ATP13A3: variants seen among roughly 807,000 people sequenced by gnomAD.
The protein encoded by ATP13A3 is ATPase 13A3, also known as polyamine-transporting ATPase 13A3.
ATP13A3 carries 59 observed loss-of-function variants against 158.1 expected under a neutral mutation model. The observed-to-expected ratio is 0.37, with a 90% CI of 0.30 to 0.46. The LOEUF (loss-of-function observed/expected upper bound fraction) is 0.46. Among genes scored for constraint, ATP13A3 ranks in the 20% least tolerant of loss-of-function variants. ATP13A3 has a pLI of 1.00. For missense variants in ATP13A3, 1,166 were observed against 1,525.2 expected (o/e 0.76, Z 3.92); for synonymous variants, 491 against 504.3 (o/e 0.97, Z 0.35).
Position 194,430,924 on chromosome 3 carries a change from A to G in ATP13A3, c.2624+19T>C, listed in dbSNP as rs185822279. The G allele has an allele frequency of 6.6e-5, 103 of 1,566,716 alleles. No homozygotes were observed. The African/African-American group carries it at 1.3e-3, about 19-fold the overall frequency. On this transcript the variant is annotated intron_variant, in intron 24 of 33. Coordinates refer to ENST00000645319, the MANE Select transcript of ATP13A3 (RefSeq NM_001367549.1). ...ATCATTCATCAAAAACCAAAACCAA[A>G]AAAGACACCAATACTTACTCAACAT...
intron 8 of ATP13A3, 137 bp downstream of exon 8, chr3:194,455,756 C>A: frequency 1.6e-6 from 1 of 623,284 alleles, no homozygotes; most frequent in East Asian, 3.3e-5. Context: ...TAAATGTCTT[C>A]CGTCTTTACC....
rs1160114657 is a variant in ATP13A3, at chr3:194,403,836, C to A, written c.*2083G>T. ...TAACTTCCTACAAATGCTTTTCCAG[C>A]CACCTAAACACCTCATTCCTTTGAA... is the stretch of plus-strand genomic sequence containing the variant. On this transcript the variant is annotated 3_prime_UTR_variant, in exon 34 of 34. Coordinates refer to ENST00000645319, the MANE Select transcript of ATP13A3 (RefSeq NM_001367549.1). 1 of 228,054 alleles carries A rather than the reference C, an allele frequency of 4.4e-6. No homozygotes were observed. The highest frequency in any genetic ancestry group is 2.4e-5 in the African/African-American group (1 of 42,124). 14.1% of individuals were successfully genotyped at this position (228,054 alleles called of 1,614,324 possible).
Position 194,427,142 on chromosome 3 carries a change from A to T in ATP13A3, c.3058T>A (p.Phe1020Ile), listed in dbSNP as rs1716841021. The T allele has an allele frequency of 6.2e-7, 1 of 1,613,926 alleles. No homozygotes were observed. Among genetic ancestry groups the T allele is most frequent in the Non-Finnish European group, 8.5e-7 (1 of 1,180,016 alleles). ...VLSQIIICIGFQSLGFFWVKQ... is the reference protein window; with the variant it reads ...VLSQIIICIGIQSLGFFWVKQ... ...ACCCAAAAAAAACCCAAAGATTGAA[A>T]TCCAATGCAGATGATAATCTGAGAC... Residue 1020 changes from phenylalanine (F) to isoleucine (I), a missense_variant, in exon 29 of 34, where the codon TTT becomes ATT. This residue lies in a region of ATP13A3 where 997 missense variants were observed against 1,341.2 expected (regional missense o/e 0.74). Transcript: ENST00000645319.
intron 16 of ATP13A3, among the ~76,000 whole-genome samples, chr3:194,440,949 A>G (rs1255374723): frequency 6.6e-6 from 1 of 152,222 alleles, no homozygotes; most frequent in Non-Finnish European, 1.5e-5. Context: ...AGAGCAATGA[A>G]GACAAACGAC....
In ATP13A3 at chr3:194,437,366, G is replaced by A. The variant is rs751347300; in HGVS notation, c.1944C>T (p.Asp648=). The A allele has an allele frequency of 2.6e-5, 42 of 1,613,986 alleles. No individual in the cohort carries two copies. Among genetic ancestry groups the A allele is most frequent in the African/African-American group, 9.3e-5 (7 of 74,894 alleles). The change falls in exon 19 of 34, where the codon GAC becomes GAT. Residue 648 remains aspartate, a synonymous_variant. Transcript: ENST00000645319. ...VARVLGDRKM[D]AYMKGAPEAI... ...CCTCGGGCGCTCCTTTCATGTAGGC[G>A]TCCATTTTCCTATCCCCCAGCACCC...
intron 33 of ATP13A3, among the ~76,000 whole-genome samples, chr3:194,407,697 G>A (rs753286850): frequency 3.3e-5 from 5 of 152,116 alleles, no homozygotes; most frequent in Non-Finnish European, 4.4e-5. Flanking sequence ...GGCATTCTGG[G>A]GTGGGGACGG....
chr3:194,472,707 TC>T (rs1720357992), intron 2 of ATP13A3, among the ~76,000 whole-genome samples: 1 of 152,200 alleles, frequency 6.6e-6, no homozygotes, highest in African/African-American at 2.4e-5. Context: ...CATATGTTCA[TC>T]ACAGCACTAT....
At chr3:194,490,345 A>G (rs1428567284), upstream of ATP13A3, among the ~76,000 whole-genome samples, 3 of 152,200 alleles carry the variant, frequency 2.0e-5, no homozygotes, top group South Asian at 4.1e-4. This position sits in a 1 kb window ranked among gnomAD's most constrained non-coding sequence, Gnocchi z 4.4. Context: ...GGCCTCCCCA[A>G]AATATTACTG....
At chr3:194,444,649 C>T in intron 15 of ATP13A3, 76 bp downstream of exon 15, 1 of 1,288,460 alleles carries the variant, frequency 7.8e-7, no homozygotes, top group East Asian at 2.4e-5. Flanking sequence ...TCTATTACTT[C>T]CTTTATGTTT....
intron 8 of ATP13A3, 94 bp from the exon 9 acceptor site, chr3:194,454,486 A>G: frequency 7.7e-7 from 1 of 1,300,518 alleles, no homozygotes; most frequent in Non-Finnish European, 1.1e-6. Flanking sequence ...AGATACAAAT[A>G]TGTACAAGAT....
At chr3:194,423,370 TAG>T (rs1285455891) in intron 30 of ATP13A3, among the ~76,000 whole-genome samples, 1 of 152,224 alleles carries the variant, frequency 6.6e-6, no homozygotes, top group South Asian at 2.1e-4. Context: ...ACACCATTTA[TAG>T]AGAGCAACAA....
intron 2 of ATP13A3, chr3:194,468,345 C>T (rs1389839706): frequency 1.4e-5 from 2 of 146,188 alleles, no homozygotes; most frequent in Non-Finnish European, 1.5e-5. Flanking sequence ...TAACCAAACC[C>T]TTCCTTGAAT....
At chr3:194,412,357 T>A in intron 32 of ATP13A3, 69 bp from the exon 33 acceptor site, 2 of 1,225,810 alleles carry the variant, frequency 1.6e-6, no homozygotes, top group Non-Finnish European at 1.2e-6. Flanking sequence ...TGCACCTTTT[T>A]AAAAAATCAC....
At chr3:194,421,536 G>C (rs1261535741) in intron 30 of ATP13A3, among the ~76,000 whole-genome samples, 2 of 129,836 alleles carry the variant, frequency 1.5e-5, no homozygotes, top group African/African-American at 3.2e-5. Context: ...CTGGGTGACA[G>C]AGCGAGACTC....
intron 2 of ATP13A3, among the ~76,000 whole-genome samples, chr3:194,482,468 T>A (rs1720789893): frequency 6.6e-6 from 1 of 152,204 alleles, no homozygotes; most frequent in Admixed American, 6.5e-5. Flanking sequence ...TGGACCTTCT[T>A]CTACCTTACA....
Position 194,425,335 on chromosome 3 carries a change from A to G in ATP13A3, c.3313+7T>C. 1 of 1,609,468 alleles carries G rather than the reference A, an allele frequency of 6.2e-7. No individual in the cohort carries two copies. Among genetic ancestry groups the G allele is most frequent in the African/African-American group, 1.3e-5 (1 of 74,752 alleles). On this transcript the variant is annotated splice_region_variant and intron_variant, in intron 30 of 33. Transcript: ENST00000645319. ...AGGGTGGAAATCACAATAAATGCCA[A>G]ACTTACAATTTTTGTAGCAAGGTTG...
intron 15 of ATP13A3, among the ~76,000 whole-genome samples, chr3:194,442,458 T>C (rs1224277642): frequency 6.6e-6 from 1 of 151,816 alleles, no homozygotes; most frequent in African/African-American, 2.4e-5. Context: ...AATAAAAAAA[T>C]AAAGAATCCC....
In ATP13A3 at chr3:194,467,556, CAATT is replaced by C. The variant is rs376880350; in HGVS notation, c.-46-5324_-46-5321del. Among the ~76,000 whole-genome samples, 668 of 152,218 alleles carry C rather than the reference CAATT, an allele frequency of 4.4e-3. 3 individuals carry two copies. The highest frequency in any genetic ancestry group is 0.015 in the African/African-American group (628 of 41,546). ...AATAAAAAGTTGCTCTAAAAACCTCCAATTAATTATTCACTTTGAATATATTATA... is the reference window on the plus strand; with the variant it reads ...AATAAAAAGTTGCTCTAAAAACCTCCAATTATTCACTTTGAATATATTATA... On this transcript the variant is annotated intron_variant, in intron 2 of 33. Coordinates refer to ENST00000645319, the MANE Select transcript of ATP13A3 (RefSeq NM_001367549.1).
At chr3:194,414,117 G>A (rs1033653817) in intron 31 of ATP13A3, among the ~76,000 whole-genome samples, 1 of 152,068 alleles carries the variant, frequency 6.6e-6, no homozygotes, top group Non-Finnish European at 1.5e-5. Flanking sequence ...TGCTCTACTA[G>A]ATCATGAATG....
Sources: allele counts gnomAD v4.1 joint callset (sites outside exome capture counted in the v4.1 genomes callset), GRCh38; gene constraint gnomAD v4.1.1; regional missense constraint gnomAD v4.1.1; non-coding constraint Gnocchi (gnomAD v3.1); transcripts MANE v1.5; gene names NCBI Gene and HGNC (gene_info 2026-07-23, HGNC 2026-07-21).